KIF13A: variants seen among roughly 807,000 people sequenced by gnomAD.
KIF13A encodes kinesin-like protein KIF13A.
In KIF13A, 79 loss-of-function variants were observed where a neutral mutation model predicts 212.2. The observed-to-expected ratio is 0.37, with a 90% CI of 0.31 to 0.45. KIF13A has a LOEUF of 0.45. KIF13A is among the 20% of genes least tolerant of loss of function. KIF13A has a pLI of 1.00. For missense variants in KIF13A, 1,901 were observed against 2,209.0 expected (o/e 0.86, Z 2.79); for synonymous variants, 789 against 808.6 (o/e 0.98, Z 0.41).
rs1196224534 is a variant in KIF13A at position 17,816,232 on chromosome 6, T to A, written c.2000+788A>T. Among the ~76,000 whole-genome samples, 1 of 151,682 alleles carries A rather than the reference T, an allele frequency of 6.6e-6. No homozygotes were observed. Among genetic ancestry groups the A allele is most frequent in the Non-Finnish European group, 1.5e-5 (1 of 67,908 alleles). ...CGCACCTGGCCTGAGTCAGGTCAGG[T>A]TCTTCCTGTCACCCAGGCTGGAGTG... is the stretch of plus-strand genomic sequence containing the variant. On this transcript the variant is annotated intron_variant, in intron 17 of 38. Coordinates refer to ENST00000259711, the MANE Select transcript of KIF13A (RefSeq NM_022113.6). This position sits in a 1 kb window ranked among gnomAD's most constrained non-coding sequence, Gnocchi z 4.3.
At chr6:17,939,476 C>T (rs1303911241) in intron 2 of KIF13A, among the ~76,000 whole-genome samples, 2 of 152,144 alleles carry the variant, frequency 1.3e-5, no homozygotes, top group South Asian at 2.1e-4. Context: ...ACCATTCTGT[C>T]GGAGGCATTA....
intron 20 of KIF13A, among the ~76,000 whole-genome samples, chr6:17,802,155 C>T (rs1287555025): frequency 4.6e-5 from 7 of 152,230 alleles, no homozygotes; most frequent in Non-Finnish European, 8.8e-5. Flanking sequence ...ATCCAATTTC[C>T]ACACAGCAAT....
At position 17,842,000 on chromosome 6, in the gene KIF13A, CGTGTGTGTGTGTGTGT is replaced by C. The variant is rs56396263; in HGVS notation, c.831-4433_831-4418del. ...ATGTATGTATGTGTATATACACATA[CGTGTGTGTGTGTGTGT>C]GTGTGTGTGTGTGTGTGTATACACT... is the stretch of plus-strand genomic sequence containing the variant. On this transcript the variant is annotated intron_variant, in intron 9 of 38. Coordinates refer to ENST00000259711, the MANE Select transcript of KIF13A (RefSeq NM_022113.6). Among the ~76,000 whole-genome samples the C allele has an allele frequency of 5.6e-5, 8 of 143,824 alleles. No homozygotes were observed. In the East Asian group the frequency reaches 8.3e-4, roughly 15 times the overall value. The allele number at this position is 143,824 out of a possible 152,430, so 94.4% of individuals were successfully genotyped here.
chr6:17,964,382 T>C (rs774270557), intron 2 of KIF13A, among the ~76,000 whole-genome samples: 18 of 152,208 alleles, frequency 1.2e-4, no homozygotes, highest in Non-Finnish European at 2.1e-4. Context: ...GTAATAAATC[T>C]TGTCTGTGGT....
intron 14 of KIF13A, among the ~76,000 whole-genome samples, chr6:17,827,553 C>T (rs889429137): frequency 6.7e-6 from 1 of 149,746 alleles, no homozygotes; most frequent in Non-Finnish European, 1.5e-5. Flanking sequence ...CGCTCTGTAA[C>T]CTAGGCTAGG....
At chr6:17,835,449 T>G (rs1765866427) in intron 11 of KIF13A, among the ~76,000 whole-genome samples, 1 of 152,160 alleles carries the variant, frequency 6.6e-6, no homozygotes, top group Non-Finnish European at 1.5e-5. Context: ...AGCATTTTTA[T>G]TTTTCTGGTG....
Position 17,868,931 on chromosome 6 carries a change from G to A in KIF13A, c.220+4446C>T, listed in dbSNP as rs549451346. On this transcript the variant is annotated intron_variant, in intron 4 of 38. Coordinates refer to ENST00000259711, the MANE Select transcript of KIF13A (RefSeq NM_022113.6). Reference sequence around the variant, plus strand: ...ATCGCTTGAACCCAAGGAGGCGGAGGTTGCAGTGAGCCGAGATCGTGCCAC... The same window carrying A: ...ATCGCTTGAACCCAAGGAGGCGGAGATTGCAGTGAGCCGAGATCGTGCCAC... Among the ~76,000 whole-genome samples, 29 of 140,310 alleles carry A rather than the reference G, an allele frequency of 2.1e-4. 1 individual carries two copies. In the South Asian group the frequency reaches 4.0e-3, roughly 20 times the overall value. 92.0% of individuals were successfully genotyped at this position (140,310 alleles called of 152,430 possible). A position where few individuals can be genotyped will look rare whatever the true frequency, so the allele number is the denominator to read the frequency against.
chr6:17,979,782 G>A (rs1275060995), intron 2 of KIF13A, among the ~76,000 whole-genome samples: 4 of 149,108 alleles, frequency 2.7e-5, no homozygotes, highest in African/African-American at 9.9e-5. Context: ...AAAAAAAAGA[G>A]AGACTAAAAA....
At chr6:17,948,341 T>C (rs1449656378) in intron 2 of KIF13A, among the ~76,000 whole-genome samples, 2 of 152,172 alleles carry the variant, frequency 1.3e-5, no homozygotes, top group African/African-American at 2.4e-5. Flanking sequence ...GAGAAGACTC[T>C]GTAGATGAAC....
In KIF13A at chr6:17,794,770, A is replaced by G. The variant is rs1761889479; in HGVS notation, c.2943-66T>C. ...AGGGATACTGTTAGTAATAGTAATA[A>G]GCCACCATTCACTGAGCACTTACTA... On this transcript the variant is annotated intron_variant, in intron 23 of 38. Coordinates refer to ENST00000259711, the MANE Select transcript of KIF13A (RefSeq NM_022113.6). The surrounding 1 kb of genome is among the most constrained non-coding windows in gnomAD (Gnocchi z 4.1). 1 of 1,516,030 alleles carries G rather than the reference A, an allele frequency of 6.6e-7. No individual in the cohort carries two copies. The highest frequency in any genetic ancestry group is 2.3e-5 in the East Asian group (1 of 44,374). The allele number at this position is 1,516,030 out of a possible 1,614,324, so 93.9% of individuals were successfully genotyped here.
intron 17 of KIF13A, among the ~76,000 whole-genome samples, chr6:17,810,766 T>C (rs1286859676): frequency 6.6e-6 from 1 of 152,114 alleles, no homozygotes; most frequent in Non-Finnish European, 1.5e-5. Context: ...GCAACCTAGA[T>C]CTCTCGCATG....
chr6:17,976,042 C>A (rs543822104), intron 2 of KIF13A, among the ~76,000 whole-genome samples: 5 of 152,216 alleles, frequency 3.3e-5, no homozygotes, highest in Non-Finnish European at 2.9e-5. Context: ...GAGCTAGATA[C>A]AGAATGCCGA....
intron 2 of KIF13A, among the ~76,000 whole-genome samples, chr6:17,978,449 T>C (rs1476662580): frequency 1.3e-5 from 2 of 152,254 alleles, no homozygotes; most frequent in African/African-American, 4.8e-5. Flanking sequence ...TGTTTTCATC[T>C]AAATTTTAGC....
intron 38 of KIF13A, among the ~76,000 whole-genome samples, chr6:17,766,160 G>A (rs9371019): frequency 0.92 from 140,546 of 152,224 alleles, 64,950 homozygotes; most frequent in East Asian, 1. Context: ...ACCTGGAACC[G>A]AAGCATCAGC....
chr6:17,839,078 C>T lies in KIF13A; in HGVS notation c.831-1495G>A, dbSNP rs1196708349. On this transcript the variant is annotated intron_variant, in intron 9 of 38. Coordinates refer to ENST00000259711, the MANE Select transcript of KIF13A (RefSeq NM_022113.6). The surrounding 1 kb of genome is among the most constrained non-coding windows in gnomAD (Gnocchi z 4.3). ...CAGGTGATCCACCCATCCTGGCATCCCAAAGTGCTGGGATTATAGGCGTGA... is the reference window on the plus strand; with the variant it reads ...CAGGTGATCCACCCATCCTGGCATCTCAAAGTGCTGGGATTATAGGCGTGA... 2.0e-5 allele frequency among the ~76,000 whole-genome samples: 3 copies of T among 152,176 alleles called. No individual in the cohort carries two copies. Among genetic ancestry groups the T allele is most frequent in the African/African-American group, 7.2e-5 (3 of 41,440 alleles).
rs1377828752 is a variant in KIF13A at position 17,834,065 on chromosome 6, T to G, written c.1162A>C (p.Lys388Gln). 1.6e-5 allele frequency: 25 copies of G among 1,578,236 alleles called. No individual in the cohort carries two copies. Among genetic ancestry groups the G allele is most frequent in the Non-Finnish European group, 2.1e-5 (24 of 1,170,044 alleles). ...AGCTTCTCCTTCAGTTCAGGGGCCT[T>G]CATGGCCTTTAAAATGAAATCAGAG... Reference protein sequence around the residue: ...REQLSQAEAMKAPELKEKLEE... With the variant: ...REQLSQAEAMQAPELKEKLEE... The change falls in exon 12 of 39, where the codon AAG becomes CAG. Residue 388 changes from lysine (K) to glutamine (Q), a missense_variant. By Grantham distance (53) the Lys-to-Gln change is moderately conservative. This residue lies in a region of KIF13A where 506 missense variants were observed against 637.4 expected (regional missense o/e 0.79). Transcript: ENST00000259711. This position sits in a 1 kb window ranked among gnomAD's most constrained non-coding sequence, Gnocchi z 4.0.
chr6:17,841,808 G>C (rs1766533940), intron 9 of KIF13A, among the ~76,000 whole-genome samples: 1 of 152,104 alleles, frequency 6.6e-6, no homozygotes, highest in Admixed American at 6.5e-5. Flanking sequence ...CAGGGATGAG[G>C]AGCCCATGCT....
At position 17,796,838 on chromosome 6, in the gene KIF13A, A is replaced by G; in HGVS notation, c.2791-18T>C. Reference sequence around the variant, plus strand: ...ACATAGTCCTGGGATAAGTGGGGGAAAGCAAAAGAATTATGCTTAAAGGAG... The same window carrying G: ...ACATAGTCCTGGGATAAGTGGGGGAGAGCAAAAGAATTATGCTTAAAGGAG... On this transcript the variant is annotated intron_variant, in intron 22 of 38. Coordinates refer to ENST00000259711, the MANE Select transcript of KIF13A (RefSeq NM_022113.6). The G allele has an allele frequency of 6.9e-7, 1 of 1,457,296 alleles. No individual in the cohort carries two copies. The highest frequency in any genetic ancestry group is 9.1e-7 in the Non-Finnish European group (1 of 1,094,392). The allele number at this position is 1,457,296 out of a possible 1,614,324, so 90.3% of individuals were successfully genotyped here.
chr6:17,939,420 G>C (rs1048544764), intron 2 of KIF13A, among the ~76,000 whole-genome samples: 8 of 152,162 alleles, frequency 5.3e-5, no homozygotes, highest in African/African-American at 1.9e-4. Context: ...CAACAGTCTT[G>C]CTGTCACTGA....
Sources: gnomAD v4.1 joint callset for allele counts (sites outside exome capture counted in the v4.1 genomes callset) on GRCh38, gnomAD v4.1.1 for gene constraint, gnomAD v4.1.1 regional missense constraint, Gnocchi (gnomAD v3.1) non-coding constraint, MANE v1.5 for transcripts, NCBI Gene and HGNC (gene_info 2026-07-23, HGNC 2026-07-21) for gene names.